The following NEK4 variants were observed in gnomAD, a reference collection of about 807,000 sequenced individuals.
The protein encoded by NEK4 is serine/threonine-protein kinase Nek4.
A neutral mutation model predicts 98.4 loss-of-function variants in NEK4; 86 were observed. The observed-to-expected ratio is 0.87, with a 90% confidence interval of 0.73 to 1.05. The LOEUF (loss-of-function observed/expected upper bound fraction) is 1.05. Among genes scored for constraint, NEK4 ranks in the 50% least tolerant of loss-of-function variants. NEK4 has a pLI of 0.00. For synonymous variants in NEK4, 328 were observed against 342.2 expected, an observed-to-expected ratio of 0.96 and a Z score of 0.46; for missense variants, 898 against 950.3, an observed-to-expected ratio of 0.94 and a Z score of 0.72.
chr3:52,748,942 C>G (rs1403205832), intron 8 of NEK4, among the ~76,000 whole-genome samples: 1 of 151,978 alleles, frequency 6.6e-6, no homozygotes, highest in Non-Finnish European at 1.5e-5. Context: ...AAAAAATTAG[C>G]CAGGCGTGCT....
intron 4 of NEK4, among the ~76,000 whole-genome samples, chr3:52,764,786 AC>A (rs1698493627): frequency 6.6e-6 from 1 of 151,940 alleles, no homozygotes; most frequent in South Asian, 2.1e-4. Flanking sequence ...ATGCACACAC[AC>A]ACACACACAC....
chr3:52,768,191 A>G (rs964862835), intron 2 of NEK4, 147 bp downstream of exon 2: 12 of 703,720 alleles, frequency 1.7e-5, no homozygotes, highest in Non-Finnish European at 2.9e-5. Flanking sequence ...AATGCTACAG[A>G]AAGAGTGACT....
At chr3:52,714,069 T>A (rs2097352855) in intron 15 of NEK4, among the ~76,000 whole-genome samples, 1 of 152,192 alleles carries the variant, frequency 6.6e-6, no homozygotes, top group Non-Finnish European at 1.5e-5. Flanking sequence ...ACTTTGTCTC[T>A]ACAAAGACTA....
Position 52,711,852 on chromosome 3 carries a change from G to T in NEK4, c.2451C>A (p.His817Gln). ...EFDREVRLRE[H>Q]MGEKYTTYSV... ...TGTAAGTTGTATACTTTTCACCCAT[G>T]TGCTCCCGCAAACGTACCTATTTGA... The change falls in exon 16 of 16, where the codon CAC becomes CAA. Residue 817 changes from histidine (H) to glutamine (Q), a missense_variant. His to Gln is a conservative substitution (Grantham distance 24). Coordinates refer to ENST00000233027, the MANE Select transcript of NEK4 (RefSeq NM_003157.6). The T allele has an allele frequency of 6.2e-7, 1 of 1,603,952 alleles. No individual in the cohort carries two copies. Among genetic ancestry groups the T allele is most frequent in the Non-Finnish European group, 8.5e-7 (1 of 1,172,968 alleles).
chr3:52,743,389 G>C lies in NEK4; in HGVS notation c.1967C>G (p.Pro656Arg), dbSNP rs753303701. The C allele has an allele frequency of 1.9e-6, 3 of 1,614,152 alleles. No homozygotes were observed. Among genetic ancestry groups the C allele is most frequent in the East Asian group, 2.2e-5 (1 of 44,890 alleles). ...GCAGTCAGAGGAGAGCCGTCGGGCA[G>C]GCAAGGGCTGGTCTTCTTCCTGGGG... Reference protein sequence around the residue: ...GKPQEEDQPLPARRLSSDCSV... With the variant: ...GKPQEEDQPLRARRLSSDCSV... The change falls in exon 12 of 16, where the codon CCT becomes CGT. Residue 656 changes from proline (P) to arginine (R), a missense_variant. By Grantham distance (103) the Pro-to-Arg change is moderately radical (BLOSUM62 -2). Coordinates refer to ENST00000233027, the MANE Select transcript of NEK4 (RefSeq NM_003157.6).
In NEK4 at chr3:52,746,099, C is replaced by A; in HGVS notation, c.1789G>T (p.Val597Leu). The change falls in exon 10 of 16, where the codon GTG becomes TTG. Residue 597 changes from valine (V) to leucine (L), a missense_variant. Transcript: ENST00000233027. Reference sequence around the variant, plus strand: ...ATCTCACTGCTCCTTGAACTGCTCACAGACCCAGTGACCACTCTACGTTGG... The same window carrying A: ...ATCTCACTGCTCCTTGAACTGCTCAAAGACCCAGTGACCACTCTACGTTGG... ...ENQRRVVTGS[V>L]SSSRSSEMSS... The A allele has an allele frequency of 6.2e-7, 1 of 1,614,190 alleles. No homozygotes were observed. Among genetic ancestry groups the A allele is most frequent in the South Asian group, 1.1e-5 (1 of 91,082 alleles).
rs1490005633 is a variant in NEK4, at chr3:52,768,597, A to G, written c.101T>C (p.Ile34Thr). 6.2e-7 allele frequency: 1 copy of G among 1,613,644 alleles called. No individual in the cohort carries two copies. The highest frequency in any genetic ancestry group is 1.3e-5 in the African/African-American group (1 of 74,904). ...GGCATTTCGGAGGTTCAGTTTTTTG[A>G]TGACATACTAAAAACAAACCATGTA... ...KHRRDGKQYV[I>T]KKLNLRNASS... Residue 34 changes from isoleucine to threonine, a missense_variant, in exon 2 of 16, where the codon ATC becomes ACC. Physicochemically the swap from Ile to Thr is moderately conservative, Grantham distance 89. Transcript: ENST00000233027.
intron 15 of NEK4, among the ~76,000 whole-genome samples, chr3:52,735,675 G>C (rs1190562285): frequency 6.6e-6 from 1 of 152,198 alleles, no homozygotes; most frequent in Non-Finnish European, 1.5e-5. Context: ...ATGGCACTAT[G>C]TAAAGTAAGC....
intron 3 of NEK4, 71 bp downstream of exon 3, chr3:52,766,107 T>A: frequency 6.7e-7 from 1 of 1,484,076 alleles, no homozygotes; most frequent in Non-Finnish European, 9.3e-7. Flanking sequence ...ATTCTCTGAC[T>A]TAATTAACTT....
At chr3:52,734,928 A>G in intron 15 of NEK4, 1 of 223,240 alleles carries the variant, frequency 4.5e-6, no homozygotes, top group Non-Finnish European at 9.0e-6. Context: ...GGGGTAATGG[A>G]AACATTCTCC....
At chr3:52,718,387 C>T (rs977902425) in intron 15 of NEK4, among the ~76,000 whole-genome samples, 5 of 148,678 alleles carry the variant, frequency 3.4e-5, no homozygotes, top group Non-Finnish European at 7.4e-5. Context: ...GCAGGAGAAT[C>T]GCTTGAACCC....
At chr3:52,740,347 CAA>C (rs1385929430) in intron 13 of NEK4, among the ~76,000 whole-genome samples, 1 of 151,300 alleles carries the variant, frequency 6.6e-6, no homozygotes, top group African/African-American at 2.4e-5. Context: ...AAGAGAGACA[CAA>C]AGACATTAAA....
At position 52,724,443 on chromosome 3, in the gene NEK4, G is replaced by A. The variant is rs184553276; in HGVS notation, c.2434-12574C>T. On this transcript the variant is annotated intron_variant, in intron 15 of 15. Coordinates refer to ENST00000233027, the MANE Select transcript of NEK4 (RefSeq NM_003157.6). ...AAAAAATACCAAGAATACTGTATCT[G>A]GCAAAAATGCCCTTCAAAAGTGAGG... 9.2e-5 allele frequency among the ~76,000 whole-genome samples: 14 copies of A among 152,198 alleles called. No individual in the cohort carries two copies. The East Asian group carries it at 2.7e-3, about 29-fold the overall frequency.
At chr3:52,729,392 A>G (rs1393751772) in intron 15 of NEK4, among the ~76,000 whole-genome samples, 1 of 151,994 alleles carries the variant, frequency 6.6e-6, no homozygotes, top group Non-Finnish European at 1.5e-5. Context: ...GGATGGAGCG[A>G]AAGCCTGTTT....
chr3:52,752,523 A>G (rs960916436), intron 6 of NEK4, among the ~76,000 whole-genome samples, 187 bp from the exon 7 acceptor site: 8 of 152,166 alleles, frequency 5.3e-5, no homozygotes, highest in African/African-American at 1.9e-4. Context: ...TTTGTACACC[A>G]ATGTTTACAG....
intron 12 of NEK4, chr3:52,743,111 GAA>G (rs2097389569): frequency 4.9e-6 from 2 of 406,082 alleles, no homozygotes; most frequent in Non-Finnish European, 9.0e-6. Flanking sequence ...ACCAACCTAT[GAA>G]ATATTTTTAA....
At chr3:52,744,439 A>G in intron 10 of NEK4, 134 bp from the exon 11 acceptor site, 1 of 732,102 alleles carries the variant, frequency 1.4e-6, no homozygotes, top group Non-Finnish European at 2.4e-6. Context: ...TAATCCCAGC[A>G]CTCTGGGAGG....
intron 15 of NEK4, among the ~76,000 whole-genome samples, chr3:52,713,305 A>G (rs62255371): frequency 0.34 from 52,341 of 152,044 alleles, 9,998 homozygotes; most frequent in Admixed American, 0.46. Context: ...AACACTGGAA[A>G]AATCCAAACC....
intron 12 of NEK4, 157 bp downstream of exon 12, chr3:52,743,195 A>G (rs2097389666): frequency 1.6e-6 from 1 of 632,728 alleles, no homozygotes; most frequent in Admixed American, 2.6e-5. Context: ...AATCCTTTTG[A>G]CTATTATTTA....
Sources: allele counts gnomAD v4.1 joint callset (sites outside exome capture counted in the v4.1 genomes callset), GRCh38; gene constraint gnomAD v4.1.1; transcripts MANE v1.5; gene names NCBI Gene and HGNC (gene_info 2026-07-23, HGNC 2026-07-21).